The following KATNIP variants were observed in gnomAD, a reference collection of about 807,000 sequenced individuals.
KATNIP encodes katanin interacting protein.
Under a neutral mutation model 174.0 loss-of-function variants are expected in KATNIP, and 126 were observed. The observed-to-expected ratio is 0.72, with a 90% CI of 0.63 to 0.84. KATNIP has a LOEUF of 0.84. Ranked by LOEUF, KATNIP falls within the 40% of genes least tolerant of loss-of-function variation. The pLI, the probability that KATNIP is intolerant of heterozygous loss-of-function variation, is 0.00. For synonymous variants in KATNIP, 810 were observed against 835.7 expected (o/e 0.97, Z 0.53); for missense variants, 1,958 against 2,109.7 (o/e 0.93, Z 1.41).
intron 6 of KATNIP, among the ~76,000 whole-genome samples, chr16:27,657,050 G>T (rs1422614876): frequency 1.3e-5 from 2 of 152,088 alleles, no homozygotes. Flanking sequence ...AATGAAATTT[G>T]AGATGAACTA....
rs960448713 is a variant in KATNIP, at chr16:27,681,454, C to T, written c.864C>T (p.Phe288=). 12 of 1,614,034 alleles carry T rather than the reference C, an allele frequency of 7.4e-6. No individual in the cohort carries two copies. The highest frequency in any genetic ancestry group is 5.5e-5 in the South Asian group (5 of 91,084). ...SAKRKDNAEV[F]VPTKPEPNLT... ...AGCGGAAGGACAATGCTGAGGTTTTCGTTCCCACCAAACCTGAGCCAAACC... is the reference window on the plus strand; with the variant it reads ...AGCGGAAGGACAATGCTGAGGTTTTTGTTCCCACCAAACCTGAGCCAAACC... The change falls in exon 8 of 28, where the codon TTC becomes TTT. Residue 288 remains phenylalanine, a synonymous_variant. Coordinates refer to ENST00000261588, the MANE Select transcript of KATNIP (RefSeq NM_015202.5).
At chr16:27,648,562 C>A in intron 5 of KATNIP, 42 bp from the exon 6 acceptor site, 1 of 1,611,378 alleles carries the variant, frequency 6.2e-7, no homozygotes, top group Non-Finnish European at 8.5e-7. Context: ...GGAATGAAGA[C>A]CTCATTCCAC....
intron 1 of KATNIP, among the ~76,000 whole-genome samples, chr16:27,555,916 T>G (rs1032779071): frequency 3.3e-5 from 5 of 151,600 alleles, no homozygotes; most frequent in Non-Finnish European, 7.4e-5. Flanking sequence ...GATCACGAGG[T>G]CAGGAGTTCA....
rs1206003402 is a variant in KATNIP, at chr16:27,715,768, A to G, written c.1606-5790A>G. 2.6e-5 allele frequency among the ~76,000 whole-genome samples: 4 copies of G among 152,308 alleles called. No homozygotes were observed. The East Asian group carries it at 5.8e-4, about 22-fold the overall frequency. On this transcript the variant is annotated intron_variant, in intron 13 of 27. Coordinates refer to ENST00000261588, the MANE Select transcript of KATNIP (RefSeq NM_015202.5). ...ACTTCACACCCACTAGGACAGCTGT[A>G]ATTTTAAAAAAGAAAAGAGAAAATA...
chr16:27,600,059 C>T (rs1345786039), intron 2 of KATNIP, among the ~76,000 whole-genome samples: 2 of 152,158 alleles, frequency 1.3e-5, no homozygotes, highest in African/African-American at 2.4e-5. Context: ...ACCTTCCGAG[C>T]ACTGACGTCA....
At chr16:27,583,250 C>CA (rs1327218193) in intron 2 of KATNIP, among the ~76,000 whole-genome samples, 1 of 152,174 alleles carries the variant, frequency 6.6e-6, no homozygotes, top group Non-Finnish European at 1.5e-5. Flanking sequence ...TGTGACCAGA[C>CA]AGAGATAATG....
intron 14 of KATNIP, among the ~76,000 whole-genome samples, chr16:27,732,725 A>G (rs991280393): frequency 1.3e-5 from 2 of 152,188 alleles, no homozygotes; most frequent in Admixed American, 1.3e-4. Flanking sequence ...ATAGCCCTCC[A>G]TATCTCGATA....
chr16:27,618,894 G>T (rs112511362), intron 3 of KATNIP, among the ~76,000 whole-genome samples: 2 of 152,188 alleles, frequency 1.3e-5, no homozygotes, highest in African/African-American at 2.4e-5. Context: ...ATGCAAAAAT[G>T]GAGTCATTTT....
intron 4 of KATNIP, among the ~76,000 whole-genome samples, chr16:27,629,209 T>A (rs2076419625): frequency 6.6e-6 from 1 of 150,688 alleles, no homozygotes; most frequent in African/African-American, 2.4e-5. Flanking sequence ...CCACATCCTG[T>A]GCATGTGAAC....
At chr16:27,710,438 A>C (rs1425055412) in intron 13 of KATNIP, among the ~76,000 whole-genome samples, 2 of 152,208 alleles carry the variant, frequency 1.3e-5, no homozygotes, top group Admixed American at 1.3e-4. Context: ...TGCTACTTGC[A>C]AGTTGCACAC....
intron 6 of KATNIP, among the ~76,000 whole-genome samples, chr16:27,665,194 C>T (rs1327614402): frequency 2.0e-5 from 3 of 150,980 alleles, no homozygotes; most frequent in African/African-American, 7.3e-5. Context: ...CAGCGCACCT[C>T]CTGGGTTCAA....
At chr16:27,683,342 G>A (rs373879356) in intron 8 of KATNIP, among the ~76,000 whole-genome samples, 11 of 152,182 alleles carry the variant, frequency 7.2e-5, no homozygotes, top group African/African-American at 2.7e-4. Flanking sequence ...CAATGGAAAT[G>A]TATCATCTCA....
chr16:27,766,313 A>G lies in KATNIP; in HGVS notation c.3814A>G (p.Ile1272Val), dbSNP rs199652563. Reference protein sequence around the residue: ...SDDSRALDKLIDGTNITMEDE... With the variant: ...SDDSRALDKLVDGTNITMEDE... The stretch of plus-strand genomic sequence containing the variant: ...GCTCCGTCCCCATTGCTGCAGGTTA[A>G]TTGATGGCACCAACATCACCATGGA... Residue 1272 changes from isoleucine to valine, a missense_variant, in exon 20 of 28, where the codon ATT becomes GTT. Transcript: ENST00000261588. 1.2e-6 allele frequency: 2 copies of G among 1,614,066 alleles called. No individual in the cohort carries two copies. Among genetic ancestry groups the G allele is most frequent in the Non-Finnish European group, 1.7e-6 (2 of 1,179,998 alleles).
intron 20 of KATNIP, among the ~76,000 whole-genome samples, chr16:27,769,038 T>C (rs1183595019): frequency 6.6e-6 from 1 of 152,246 alleles, no homozygotes; most frequent in Non-Finnish European, 1.5e-5. Context: ...CCTCAGACTC[T>C]ACCATTAGGA....
Position 27,638,835 on chromosome 16 carries a change from A to ATTT in KATNIP, c.408+7692_408+7694dup, listed in dbSNP as rs35773237. On this transcript the variant is annotated intron_variant, in intron 5 of 27. Coordinates refer to ENST00000261588, the MANE Select transcript of KATNIP (RefSeq NM_015202.5). The stretch of plus-strand genomic sequence containing the variant: ...ACTCTCCTCCTGGCTGTCTTGCTGG[A>ATTT]TTTTTTTTTTTTTTTTTTTTTGAGA... Among the ~76,000 whole-genome samples the ATTT allele has an allele frequency of 9.8e-3, 1,080 of 110,732 alleles. 35 individuals are homozygous for ATTT. Among genetic ancestry groups the ATTT allele is most frequent in the African/African-American group, 0.035 (951 of 27,476 alleles). The allele number at this position is 110,732 out of a possible 152,430, so 72.6% of individuals were successfully genotyped here.
At chr16:27,706,183 C>T (rs983444538) in intron 12 of KATNIP, among the ~76,000 whole-genome samples, 1 of 149,792 alleles carries the variant, frequency 6.7e-6, no homozygotes, top group Non-Finnish European at 1.5e-5. Context: ...CCCATCTCTG[C>T]TCCCTCCTCA....
chr16:27,768,229 G>A (rs545551511), intron 20 of KATNIP, among the ~76,000 whole-genome samples: 1 of 152,330 alleles, frequency 6.6e-6, no homozygotes, highest in Admixed American at 6.5e-5. Context: ...CCAGGGCCCT[G>A]GACTCCTGGA....
intron 6 of KATNIP, 144 bp downstream of exon 6, chr16:27,648,879 A>G: frequency 9.7e-7 from 1 of 1,035,048 alleles, no homozygotes; most frequent in Non-Finnish European, 1.4e-6. Context: ...CGTTCATTTC[A>G]CACAGTTTGA....
At chr16:27,698,610 G>A (rs151232265) in intron 9 of KATNIP, 110 bp downstream of exon 9, 555 of 1,103,578 alleles carry the variant, frequency 5.0e-4, no homozygotes, top group Non-Finnish European at 6.3e-4. Context: ...AGTGGGCATC[G>A]CTGACCCCAG....
Sources: gnomAD v4.1 joint callset for allele counts (sites outside exome capture counted in the v4.1 genomes callset) on GRCh38, gnomAD v4.1.1 for gene constraint, MANE v1.5 for transcripts, NCBI Gene and HGNC (gene_info 2026-07-23, HGNC 2026-07-21) for gene names.